DYTN: variants seen among roughly 807,000 people sequenced by gnomAD.
The protein encoded by DYTN is dystrotelin.
Under a neutral mutation model 69.6 loss-of-function variants are expected in DYTN, and 75 were observed. That is an observed-to-expected ratio of 1.08 (90% CI 0.89 to 1.31). The LOEUF (loss-of-function observed/expected upper bound fraction) is 1.31, where lower values mean the gene tolerates loss of function less well. Ranked by LOEUF, DYTN falls within the 50% of genes most tolerant of loss-of-function variation. The probability of loss-of-function intolerance (pLI) is 0.00; values close to 1 mark genes in which losing one functional copy is unlikely to be tolerated. For synonymous variants in DYTN, 252 were observed against 249.1 expected (o/e 1.01, Z -0.11); for missense variants, 726 against 688.4 (o/e 1.05, Z -0.61).
chr2:206,679,485 T>G (rs1483326022), intron 9 of DYTN, among the ~76,000 whole-genome samples: 1 of 152,084 alleles, frequency 6.6e-6, no homozygotes, highest in African/African-American at 2.4e-5. Context: ...ACATTAGGAG[T>G]TATAAATGCA....
chr2:206,662,954 G>T lies in DYTN; in HGVS notation c.1582C>A (p.Gln528Lys). 1.2e-6 allele frequency: 2 copies of T among 1,613,732 alleles called. No homozygotes were observed. Among genetic ancestry groups the T allele is most frequent in the Non-Finnish European group, 1.7e-6 (2 of 1,179,842 alleles). Residue 528 changes from glutamine to lysine, a missense_variant, in exon 11 of 12, where the codon CAA becomes AAA. Transcript: ENST00000452335. Reference protein sequence around the residue: ...RKDELEEEELQELLSKLMDAF... With the variant: ...RKDELEEEELKELLSKLMDAF... ...TCCATAAGTTTTGACAATAGTTCTT[G>T]CAGTTCCTCTTCCTCCAGCTCATCC... is the stretch of plus-strand genomic sequence containing the variant.
At position 206,693,312 on chromosome 2, in the gene DYTN, C is replaced by A; in HGVS notation, c.843G>T (p.Met281Ile). 1 of 1,612,166 alleles carries A rather than the reference C, an allele frequency of 6.2e-7. No homozygotes were observed. The highest frequency in any genetic ancestry group is 8.5e-7 in the Non-Finnish European group (1 of 1,179,812). ...VIEHCIQMSA[M>I]QNTKLLFRTL... is the part of the protein sequence containing the mutation. ...TCCTGAAGAGAAGTTTTGTATTCTGCATTGCTGACATCTGCTGAAAGGGCC... is the reference window on the plus strand; with the variant it reads ...TCCTGAAGAGAAGTTTTGTATTCTGAATTGCTGACATCTGCTGAAAGGGCC... Residue 281 changes from methionine (M) to isoleucine (I), a missense_variant, in exon 9 of 12, where the codon ATG (methionine) becomes ATT (isoleucine). Coordinates refer to ENST00000452335, the MANE Select transcript of DYTN (RefSeq NM_001093730.1).
intron 9 of DYTN, among the ~76,000 whole-genome samples, chr2:206,668,216 C>T (rs1381136924): frequency 2.0e-5 from 3 of 152,206 alleles, no homozygotes; most frequent in African/African-American, 7.2e-5. Flanking sequence ...ATGTCAGGCT[C>T]TCTCTTTTCC....
chr2:206,663,365 A>G lies in DYTN; in HGVS notation c.1171T>C (p.Ser391Pro). ...TTGTTCCCCACATTTTGAAAGGAAGAAGATGAAGGACCGGGTGGCTGCAAC... is the reference window on the plus strand; with the variant it reads ...TTGTTCCCCACATTTTGAAAGGAAGGAGATGAAGGACCGGGTGGCTGCAAC... ...ARLQPPGPSS[S>P]SFQNVGNKVD... is the part of the protein sequence containing the mutation. Residue 391 changes from serine to proline, a missense_variant, in exon 11 of 12, where the codon TCT (serine) becomes CCT (proline). Ser to Pro is a moderately conservative substitution (Grantham distance 74). Coordinates refer to ENST00000452335, the MANE Select transcript of DYTN (RefSeq NM_001093730.1). 6.2e-7 allele frequency: 1 copy of G among 1,608,880 alleles called. No individual in the cohort carries two copies. The highest frequency in any genetic ancestry group is 1.1e-5 in the South Asian group (1 of 89,972).
rs762760396 is a variant in DYTN, at chr2:206,704,972, AT to A, written c.383-30del. On this transcript the variant is annotated intron_variant, in intron 4 of 11. Coordinates refer to ENST00000452335, the MANE Select transcript of DYTN (RefSeq NM_001093730.1). ...GACATGTAGGAGGAACAATCTTTAA[AT>A]TGAATACTTGCAATGTATCTTTGAA... is the stretch of plus-strand genomic sequence containing the variant. 1.4e-4 allele frequency: 225 copies of A among 1,563,846 alleles called. 1 individual carries two copies. Among genetic ancestry groups the A allele is most frequent in the Non-Finnish European group, 1.9e-4 (217 of 1,137,286 alleles).
intron 1 of DYTN, among the ~76,000 whole-genome samples, chr2:206,716,060 C>T (rs1325719680): frequency 6.6e-6 from 1 of 152,014 alleles, no homozygotes; most frequent in African/African-American, 2.4e-5. Context: ...TGCACTCCAG[C>T]CTGGTGGCAG....
At chr2:206,706,448 A>G (rs898234149) in intron 3 of DYTN, among the ~76,000 whole-genome samples, 2 of 152,074 alleles carry the variant, frequency 1.3e-5, no homozygotes, top group African/African-American at 4.8e-5. Context: ...AAATGAAAAA[A>G]TAACTTGAGA....
Position 206,707,438 on chromosome 2 carries a change from T to C in DYTN, c.160A>G (p.Lys54Glu), listed in dbSNP as rs746645177. Residue 54 changes from lysine to glutamate, a missense_variant, in exon 3 of 12, where the codon AAG (lysine) becomes GAG (glutamate). Lys to Glu is a moderately conservative substitution (Grantham distance 56). Coordinates refer to ENST00000452335, the MANE Select transcript of DYTN (RefSeq NM_001093730.1). ...LLRPSFWEARKHSLSVQQLSQ... is the reference protein window; with the variant it reads ...LLRPSFWEAREHSLSVQQLSQ... ...AGTTGCTGCACAGAAAGGGAGTGCT[T>C]GCGAGCTTCCCAGAAACTTGGACGC... 6.2e-7 allele frequency: 1 copy of C among 1,613,058 alleles called. No individual in the cohort carries two copies. Among genetic ancestry groups the C allele is most frequent in the Non-Finnish European group, 8.5e-7 (1 of 1,179,602 alleles).
chr2:206,707,495 T>C lies in DYTN; in HGVS notation c.103A>G (p.Ile35Val). 6.2e-7 allele frequency: 1 copy of C among 1,608,594 alleles called. No homozygotes were observed. The highest frequency in any genetic ancestry group is 8.5e-7 in the Non-Finnish European group (1 of 1,177,628). ...SVQTLCQLDL[I>V]DSSLIQQVLL... ...ACCTGCTGAATCAGGGAGCTGTCAA[T>C]CAAGTCCACTGTAGGAAGCAAATGA... Residue 35 changes from isoleucine to valine, a missense_variant, in exon 3 of 12, where the codon ATT becomes GTT. Coordinates refer to ENST00000452335, the MANE Select transcript of DYTN (RefSeq NM_001093730.1).
intron 9 of DYTN, among the ~76,000 whole-genome samples, chr2:206,679,682 C>T (rs1451439928): frequency 6.6e-6 from 1 of 152,138 alleles, no homozygotes; most frequent in African/African-American, 2.4e-5. Flanking sequence ...CCAGATAATT[C>T]ACATCTAAAG....
chr2:206,694,075 A>AT (rs1699893034), intron 8 of DYTN, among the ~76,000 whole-genome samples: 1 of 152,224 alleles, frequency 6.6e-6, no homozygotes, highest in South Asian at 2.1e-4. Flanking sequence ...CTATTGTGGT[A>AT]TTTGAGGAGG....
intron 11 of DYTN, among the ~76,000 whole-genome samples, chr2:206,652,292 T>C (rs1699396343): frequency 6.6e-6 from 1 of 152,160 alleles, no homozygotes; most frequent in Non-Finnish European, 1.5e-5. Flanking sequence ...GGACGGAGCC[T>C]GAGCATTTAT....
At chr2:206,707,233 CA>C in intron 3 of DYTN, 68 bp downstream of exon 3, 1 of 1,539,368 alleles carries the variant, frequency 6.5e-7, no homozygotes, top group Non-Finnish European at 8.8e-7. Flanking sequence ...TAGCCAGCAC[CA>C]AATGGTAAAT....
Position 206,652,179 on chromosome 2 carries a change from A to G in DYTN, c.1634-258T>C, listed in dbSNP as rs139391906. 1.8e-3 allele frequency among the ~76,000 whole-genome samples: 273 copies of G among 152,320 alleles called. 2 individuals carry two copies. The highest frequency in any genetic ancestry group is 6.8e-3 in the South Asian group (33 of 4,818). On this transcript the variant is annotated intron_variant, in intron 11 of 11. Coordinates refer to ENST00000452335, the MANE Select transcript of DYTN (RefSeq NM_001093730.1). ...AATCGGAGTAGCCAGAAAGCCCACTATTGAGCAGTGGCTCCAAAATTCTGT... is the reference window on the plus strand; with the variant it reads ...AATCGGAGTAGCCAGAAAGCCCACTGTTGAGCAGTGGCTCCAAAATTCTGT...
At chr2:206,710,340 T>A (rs1700068315) in intron 2 of DYTN, among the ~76,000 whole-genome samples, 184 bp downstream of exon 2, 1 of 152,218 alleles carries the variant, frequency 6.6e-6, no homozygotes, top group African/African-American at 2.4e-5. Flanking sequence ...CTACACATGG[T>A]TTGCCTGCAC....
intron 10 of DYTN, 69 bp downstream of exon 10, chr2:206,665,801 C>T (rs1699563511): frequency 1.3e-6 from 2 of 1,559,908 alleles, no homozygotes; most frequent in Admixed American, 3.7e-5. Flanking sequence ...GAAGCTCCTC[C>T]CTTGGCTGAA....
At chr2:206,696,916 G>A (rs1448615883) in intron 7 of DYTN, among the ~76,000 whole-genome samples, 1 of 152,102 alleles carries the variant, frequency 6.6e-6, no homozygotes, top group African/African-American at 2.4e-5. Context: ...GAATGAAGTT[G>A]GATAAATGAC....
chr2:206,683,630 C>T (rs1574594969), intron 9 of DYTN, among the ~76,000 whole-genome samples: 1 of 152,166 alleles, frequency 6.6e-6, no homozygotes, highest in South Asian at 2.1e-4. Flanking sequence ...AGGCATGAGC[C>T]ACCGCGCCCT....
chr2:206,662,933 T>A lies in DYTN; in HGVS notation c.1603A>T (p.Met535Leu), dbSNP rs777300003. The A allele has an allele frequency of 6.2e-7, 1 of 1,613,570 alleles. No homozygotes were observed. Among genetic ancestry groups the A allele is most frequent in the East Asian group, 2.2e-5 (1 of 44,884 alleles). Residue 535 changes from methionine (M) to leucine (L), a missense_variant, in exon 11 of 12, where the codon ATG becomes TTG. Physicochemically the swap from Met to Leu is conservative, Grantham distance 15. Coordinates refer to ENST00000452335, the MANE Select transcript of DYTN (RefSeq NM_001093730.1). ...EELQELLSKLMDAFNLETPSG... is the reference protein window; with the variant it reads ...EELQELLSKLLDAFNLETPSG... ...GGCGTTTCTAGATTGAAGGCATCCATAAGTTTTGACAATAGTTCTTGCAGT... is the reference window on the plus strand; with the variant it reads ...GGCGTTTCTAGATTGAAGGCATCCAAAAGTTTTGACAATAGTTCTTGCAGT...
Sources: gnomAD v4.1 joint callset for allele counts (sites outside exome capture counted in the v4.1 genomes callset) on GRCh38, gnomAD v4.1.1 for gene constraint, MANE v1.5 for transcripts, NCBI Gene and HGNC (gene_info 2026-07-23, HGNC 2026-07-21) for gene names.